SERPINB2: variants seen among roughly 807,000 people sequenced by gnomAD.
SERPINB2 encodes plasminogen activator inhibitor 2.
SERPINB2 carries 28 observed loss-of-function variants against 39.4 expected under a neutral mutation model. That is an observed-to-expected ratio of 0.71 (90% confidence interval 0.53 to 0.97). The LOEUF (loss-of-function observed/expected upper bound fraction) is 0.97, where lower values mean the gene tolerates loss of function less well. SERPINB2 is among the 50% of genes least tolerant of loss of function. The pLI is 0.00. For missense variants in SERPINB2, 557 were observed against 505.3 expected, an observed-to-expected ratio of 1.10 and a Z score of -0.98; for synonymous variants, 209 against 175.1, an observed-to-expected ratio of 1.19 and a Z score of -1.53.
At position 63,897,738 on chromosome 18, in the gene SERPINB2, ACT is replaced by A. The variant is rs1179106283; in HGVS notation, c.432_433del (p.Cys145SerfsTer21). 3 of 1,602,660 alleles carry A rather than the reference ACT, an allele frequency of 1.9e-6. No homozygotes were observed. Among genetic ancestry groups the A allele is most frequent in the Admixed American group, 3.3e-5 (2 of 59,922 alleles). Reference sequence around the variant, plus strand: ...TTCTTGCTTTAAAGGAATATATTCGACTCTGTCAGAAATATTACTCCTCAGAA... The same window carrying A: ...TTCTTGCTTTAAAGGAATATATTCGACTGTCAGAAATATTACTCCTCAGAA... ...SASFREEYIR[L>X]CQKYYSSEPQ... On this transcript the variant is annotated frameshift_variant, in exon 5 of 8. Transcript: ENST00000299502. LOFTEE classifies it high-confidence loss of function.
At chr18:63,899,200 TTTC>T (rs750739505) in intron 5 of SERPINB2, among the ~76,000 whole-genome samples, 4 of 152,202 alleles carry the variant, frequency 2.6e-5, no homozygotes, top group Non-Finnish European at 4.4e-5. Context: ...TTCCTGATCT[TTTC>T]TTCTTCTCAT....
intron 5 of SERPINB2, 91 bp downstream of exon 5, chr18:63,897,935 C>T: frequency 1.2e-6 from 1 of 840,892 alleles, no homozygotes; most frequent in South Asian, 1.6e-5. Context: ...AGCCCTCACC[C>T]CTTTACAATT....
At chr18:63,900,314 A>G (rs768366917) in intron 5 of SERPINB2, among the ~76,000 whole-genome samples, 4 of 152,196 alleles carry the variant, frequency 2.6e-5, no homozygotes, top group African/African-American at 7.2e-5. Context: ...TATTGAATGT[A>G]TATATTAAAT....
chr18:63,894,685 C>T (rs1346263371), intron 2 of SERPINB2, among the ~76,000 whole-genome samples: 1 of 152,160 alleles, frequency 6.6e-6, no homozygotes, highest in African/African-American at 2.4e-5. Flanking sequence ...ACTTACTATA[C>T]GAAGAGATTC....
chr18:63,889,290 A>G (rs1259239674), intron 1 of SERPINB2, among the ~76,000 whole-genome samples: 3 of 152,242 alleles, frequency 2.0e-5, no homozygotes, highest in African/African-American at 7.2e-5. Flanking sequence ...TATAATTGAA[A>G]CTATCTTTTT....
At chr18:63,892,113 G>GAA (rs763961993) in intron 2 of SERPINB2, among the ~76,000 whole-genome samples, 35 of 139,416 alleles carry the variant, frequency 2.5e-4, no homozygotes, top group African/African-American at 8.9e-4. Flanking sequence ...ATCACAAAGG[G>GAA]AAAAAAAAAA....
At chr18:63,900,635 G>T (rs2049985902) in intron 5 of SERPINB2, among the ~76,000 whole-genome samples, 1 of 152,038 alleles carries the variant, frequency 6.6e-6, no homozygotes, top group Admixed American at 6.6e-5. Flanking sequence ...ATAACTTTTG[G>T]GTCATCAGGT....
rs1344498765 is a variant in SERPINB2, at chr18:63,903,801, A to C, written c.*496A>C. On this transcript the variant is annotated 3_prime_UTR_variant, in exon 8 of 8. Transcript: ENST00000299502. ...CAATAGGCAAATATATGTTATGTGC[A>C]TTTCTAGAAATACATAACACATATA... The C allele has an allele frequency of 6.6e-6, 1 of 152,218 alleles. No individual in the cohort carries two copies. The highest frequency in any genetic ancestry group is 2.4e-5 in the African/African-American group (1 of 41,442). The allele number at this position is 152,218 out of a possible 1,614,324, so 9.4% of individuals were successfully genotyped here.
At chr18:63,902,811 G>A in intron 7 of SERPINB2, 90 bp from the exon 8 acceptor site, 1 of 1,356,084 alleles carries the variant, frequency 7.4e-7, no homozygotes, top group South Asian at 1.6e-5. Flanking sequence ...TAAAGTCACT[G>A]ATTTTTAATA....
chr18:63,898,013 G>T (rs950755945), intron 5 of SERPINB2, among the ~76,000 whole-genome samples, 169 bp downstream of exon 5: 2 of 152,202 alleles, frequency 1.3e-5, no homozygotes, highest in Non-Finnish European at 2.9e-5. Context: ...TTTTAACTGA[G>T]AAGAAATAAT....
At chr18:63,895,166 G>T (rs757500045) in intron 2 of SERPINB2, 98 bp from the exon 3 acceptor site, 7 of 1,433,618 alleles carry the variant, frequency 4.9e-6, no homozygotes, top group Non-Finnish European at 6.7e-6. Context: ...GAAGGGAAAA[G>T]ATCTAGGACC....
Position 63,902,387 on chromosome 18 carries a change from C to T in SERPINB2, c.679-17C>T. 1.3e-6 allele frequency: 2 copies of T among 1,529,150 alleles called. No individual in the cohort carries two copies. Among genetic ancestry groups the T allele is most frequent in the Non-Finnish European group, 1.8e-6 (2 of 1,136,422 alleles). 94.7% of individuals were successfully genotyped at this position (1,529,150 alleles called of 1,614,324 possible). A position where few individuals can be genotyped will look rare whatever the true frequency, so the allele number is the denominator to read the frequency against. On this transcript the variant is annotated splice_polypyrimidine_tract_variant and intron_variant, in intron 6 of 7. Coordinates refer to ENST00000299502, the MANE Select transcript of SERPINB2 (RefSeq NM_002575.3). ...TCTTATAATCGACTTCCATATTTTA[C>T]CTTTTAATAATATTAGGCTCAGCGC...
rs536478107 is a variant in SERPINB2, at chr18:63,888,632, C to T, written c.-10+862C>T. Among the ~76,000 whole-genome samples, 63 of 152,272 alleles carry T rather than the reference C, an allele frequency of 4.1e-4. 2 individuals are homozygous for T. In the South Asian group the frequency reaches 0.012, roughly 29 times the overall value. ...GGCCAACAGGGTGAGAGACAATGGC[C>T]GTGTGCCTGGTGACTCCTCCCAAAT... On this transcript the variant is annotated intron_variant, in intron 1 of 7. Coordinates refer to ENST00000299502, the MANE Select transcript of SERPINB2 (RefSeq NM_002575.3).
At chr18:63,902,821 A>T in intron 7 of SERPINB2, 80 bp from the exon 8 acceptor site, 5 of 1,385,870 alleles carry the variant, frequency 3.6e-6, no homozygotes, top group Non-Finnish European at 4.8e-6. Flanking sequence ...GATTTTTAAT[A>T]TTAGACTTAA....
chr18:63,893,712 G>A (rs1004024491), intron 2 of SERPINB2, among the ~76,000 whole-genome samples: 8 of 152,186 alleles, frequency 5.3e-5, no homozygotes, highest in African/African-American at 1.9e-4. Context: ...AGAAAGTTGT[G>A]AAGATTAGAG....
At position 63,901,722 on chromosome 18, in the gene SERPINB2, A is replaced by G; in HGVS notation, c.536-18A>G. 6.6e-7 allele frequency: 1 copy of G among 1,515,804 alleles called. No individual in the cohort carries two copies. Among genetic ancestry groups the G allele is most frequent in the Non-Finnish European group, 8.8e-7 (1 of 1,139,548 alleles). The allele number at this position is 1,515,804 out of a possible 1,614,324, so 93.9% of individuals were successfully genotyped here. A position where few individuals can be genotyped will look rare whatever the true frequency, so the allele number is the denominator to read the frequency against. On this transcript the variant is annotated intron_variant, in intron 5 of 7. Coordinates refer to ENST00000299502, the MANE Select transcript of SERPINB2 (RefSeq NM_002575.3). ...GTTCTTGATTATGAAACCTAAATAT[A>G]TGTTATGTTTTCTGTAGGCAAAATC... is the stretch of plus-strand genomic sequence containing the variant.
chr18:63,899,773 T>C (rs557460998), intron 5 of SERPINB2, among the ~76,000 whole-genome samples: 1 of 152,330 alleles, frequency 6.6e-6, no homozygotes, highest in African/African-American at 2.4e-5. Flanking sequence ...TTAACTCTTA[T>C]GTTTAAGACA....
intron 3 of SERPINB2, 137 bp from the exon 4 acceptor site, chr18:63,896,954 C>A (rs971366784): frequency 1.5e-6 from 1 of 645,718 alleles, no homozygotes; most frequent in Non-Finnish European, 2.4e-6. Context: ...CTCAAAGATT[C>A]CTCTAATGTA....
At chr18:63,891,287 C>A in intron 1 of SERPINB2, 149 bp from the exon 2 acceptor site, 1 of 795,230 alleles carries the variant, frequency 1.3e-6, no homozygotes, top group Non-Finnish European at 2.0e-6. Flanking sequence ...ATGAAGCTGT[C>A]CCTGACCTGC....
Sources: allele counts gnomAD v4.1 joint callset (sites outside exome capture counted in the v4.1 genomes callset), GRCh38; gene constraint gnomAD v4.1.1; transcripts MANE v1.5; gene names NCBI Gene and HGNC (gene_info 2026-07-23, HGNC 2026-07-21).